Variants in ELP3 observed in about 807,000 individuals in gnomAD.
ELP3 encodes elongator complex protein 3.
ELP3 carries 56 observed loss-of-function variants against 74.9 expected under a neutral mutation model. That is an observed-to-expected ratio of 0.75 (90% CI 0.60 to 0.93). The LOEUF (loss-of-function observed/expected upper bound fraction) is 0.93, where lower values mean the gene tolerates loss of function less well. ELP3 is among the 40% of genes least tolerant of loss of function. The pLI is 0.00. For synonymous variants in ELP3, 222 were observed against 239.8 expected (o/e 0.93, Z 0.68); for missense variants, 573 against 686.5 (o/e 0.83, Z 1.85).
At chr8:28,121,106 G>A (rs1268654389) in intron 7 of ELP3, among the ~76,000 whole-genome samples, 1 of 152,058 alleles carries the variant, frequency 6.6e-6, no homozygotes, top group Non-Finnish European at 1.5e-5. Context: ...TAAAACTATA[G>A]AACAAATGGA....
intron 10 of ELP3, among the ~76,000 whole-genome samples, chr8:28,153,967 CA>C (rs1813734469): frequency 6.6e-6 from 1 of 152,188 alleles, no homozygotes; most frequent in South Asian, 2.1e-4. Context: ...CGCACCTCTT[CA>C]TTCATTTTCT....
At chr8:28,163,058 C>T (rs945088156) in intron 14 of ELP3, among the ~76,000 whole-genome samples, 3 of 152,184 alleles carry the variant, frequency 2.0e-5, no homozygotes, top group African/African-American at 7.2e-5. Flanking sequence ...TTCTGAACCC[C>T]ATCAGGAGCT....
intron 14 of ELP3, among the ~76,000 whole-genome samples, chr8:28,184,981 A>G (rs1052101036): frequency 1.6e-4 from 25 of 152,082 alleles, no homozygotes; most frequent in Admixed American, 3.3e-4. Flanking sequence ...AAAAAAAAAA[A>G]AGAGAGAGAT....
upstream of ELP3, among the ~76,000 whole-genome samples, chr8:28,090,904 C>T (rs11776566): frequency 0.37 from 28,668 of 77,444 alleles, 5,316 homozygotes; most frequent in East Asian, 0.62. Flanking sequence ...TAAATGTTTC[C>T]TTTTTTTTTT....
chr8:28,113,301 G>A, intron 7 of ELP3, 128 bp downstream of exon 7: 1 of 639,494 alleles, frequency 1.6e-6, no homozygotes. Flanking sequence ...TTGTTTCATG[G>A]GAAAGGATTA....
intron 14 of ELP3, among the ~76,000 whole-genome samples, chr8:28,164,799 T>G (rs1422024318): frequency 1.3e-5 from 2 of 152,206 alleles, no homozygotes; most frequent in African/African-American, 4.8e-5. Flanking sequence ...AGGGCAGATG[T>G]GAAGAGCTTA....
chr8:28,137,619 G>A (rs1242990561), intron 9 of ELP3, 79 bp from the exon 10 acceptor site: 15 of 1,420,866 alleles, frequency 1.1e-5, no homozygotes, highest in African/African-American at 2.9e-5. Flanking sequence ...TGCCAGAGAA[G>A]CTGTCAGGGG....
chr8:28,113,730 G>C (rs749379944), intron 7 of ELP3: 3 of 152,190 alleles, frequency 2.0e-5, no homozygotes, highest in Non-Finnish European at 4.4e-5. Flanking sequence ...TCTGGCAAGA[G>C]CCTTCTTACT....
rs1386543569 is a variant in ELP3, at chr8:28,100,084, C to G, written c.258+118C>G. The G allele has an allele frequency of 2.3e-6, 3 of 1,296,056 alleles. No homozygotes were observed. In the Admixed American group the frequency reaches 5.6e-5, roughly 24 times the overall value. The allele number at this position is 1,296,056 out of a possible 1,614,324, so 80.3% of individuals were successfully genotyped here. On this transcript the variant is annotated intron_variant, in intron 3 of 14. Coordinates refer to ENST00000256398, the MANE Select transcript of ELP3 (RefSeq NM_018091.6). ...GTTGGGGATTCTGAACTAATGAAGT[C>G]CCTGTATTAGGATATGTGCTGGAGT... is the stretch of plus-strand genomic sequence containing the variant.
intron 14 of ELP3, among the ~76,000 whole-genome samples, chr8:28,164,180 A>G (rs1814216359): frequency 2.6e-5 from 4 of 152,142 alleles, no homozygotes; most frequent in Admixed American, 2.6e-4. Context: ...GCATGCAGAG[A>G]GGACCCCTGG....
intron 5 of ELP3, among the ~76,000 whole-genome samples, chr8:28,108,625 T>C (rs1243054890): frequency 6.6e-6 from 1 of 152,024 alleles, no homozygotes; most frequent in Non-Finnish European, 1.5e-5. Flanking sequence ...CCCAGCTAAT[T>C]TTTGTATTTT....
At position 28,160,305 on chromosome 8, in the gene ELP3, A is replaced by G; in HGVS notation, c.1334A>G (p.Asp445Gly). Residue 445 changes from aspartate to glycine, a missense_variant, in exon 13 of 15, where the codon GAC becomes GGC. Coordinates refer to ENST00000256398, the MANE Select transcript of ELP3 (RefSeq NM_018091.6). ...TTGTCATACGAAGACCCAGATCAAG[A>G]CATTTTGATTGGCCTCCTACGATTA... ...TFLSYEDPDQ[D>G]ILIGLLRLRK... is the part of the protein sequence containing the mutation. 1.2e-6 allele frequency: 2 copies of G among 1,614,178 alleles called. No homozygotes were observed. The highest frequency in any genetic ancestry group is 2.2e-5 in the South Asian group (2 of 91,084).
At chr8:28,095,263 A>G (rs538617366) in intron 1 of ELP3, among the ~76,000 whole-genome samples, 3 of 152,336 alleles carry the variant, frequency 2.0e-5, no homozygotes, top group Admixed American at 6.5e-5. Flanking sequence ...AGTTCTTGAT[A>G]CACTCAAGAG....
chr8:28,181,959 CTTTGTTTG>C (rs961056642), intron 14 of ELP3, among the ~76,000 whole-genome samples: 1 of 115,464 alleles, frequency 8.7e-6, no homozygotes, highest in South Asian at 2.5e-4. Flanking sequence ...AAGTGGTTTT[CTTTGTTTG>C]TTTGTTTGTT....
intron 9 of ELP3, among the ~76,000 whole-genome samples, chr8:28,133,195 C>T (rs187463190): frequency 2.0e-4 from 30 of 152,148 alleles, no homozygotes; most frequent in Non-Finnish European, 4.1e-4. Context: ...TGTAATAATA[C>T]ATTTTTCAAG....
chr8:28,096,923 T>A (rs563018795), intron 1 of ELP3, among the ~76,000 whole-genome samples: 10 of 152,214 alleles, frequency 6.6e-5, no homozygotes, highest in Non-Finnish European at 1.3e-4. Context: ...GTGATTAAGT[T>A]CTTTCTCCTC....
chr8:28,117,928 C>T (rs1812202743), intron 7 of ELP3, among the ~76,000 whole-genome samples: 1 of 152,060 alleles, frequency 6.6e-6, no homozygotes, highest in African/African-American at 2.4e-5. Context: ...AAAAAGCAGC[C>T]CAGAGAAGTT....
intron 10 of ELP3, among the ~76,000 whole-genome samples, chr8:28,141,518 G>C (rs1265621245): frequency 6.6e-6 from 1 of 152,022 alleles, no homozygotes; most frequent in Admixed American, 6.5e-5. Context: ...ACTCAAATGG[G>C]GTCTAGGATT....
At chr8:28,135,771 GC>G (rs1327415632) in intron 9 of ELP3, among the ~76,000 whole-genome samples, 1 of 152,114 alleles carries the variant, frequency 6.6e-6, no homozygotes, top group Non-Finnish European at 1.5e-5. Flanking sequence ...CTGGAACTCT[GC>G]AGTGTGATTG....
Sources: gnomAD v4.1 joint callset for allele counts (sites outside exome capture counted in the v4.1 genomes callset) on GRCh38, gnomAD v4.1.1 for gene constraint, MANE v1.5 for transcripts, NCBI Gene and HGNC (gene_info 2026-07-23, HGNC 2026-07-21) for gene names.